Variants in ATP2C2 observed in about 807,000 individuals in gnomAD.
ATP2C2 encodes the protein calcium-transporting ATPase type 2C member 2.
In ATP2C2, 171 loss-of-function variants were observed where a neutral mutation model predicts 110.8. That is an observed-to-expected ratio of 1.54 (90% CI 1.36 to 1.75). ATP2C2 has a LOEUF of 1.75. ATP2C2 is among the 40% of genes most tolerant of loss of function. The pLI is 0.00. For missense variants in ATP2C2, 1,963 were observed against 1,235.0 expected, an observed-to-expected ratio of 1.59 and a Z score of -8.84; for synonymous variants, 804 against 508.4, an observed-to-expected ratio of 1.58 and a Z score of -7.82.
At chr16:84,397,655 C>CAAAAATAAAAAAAAAAA (rs1905070827) in intron 1 of ATP2C2, among the ~76,000 whole-genome samples, 1 of 63,512 alleles carries the variant, frequency 1.6e-5, no homozygotes, top group Non-Finnish European at 3.5e-5. Context: ...GCCTGGGTGA[C>CAAAAATAAAAAAAAAAA]AAAAAAAAAA....
Position 84,421,620 on chromosome 16 carries a change from C to T in ATP2C2, c.625-770C>T, listed in dbSNP as rs1340222763. 2.0e-5 allele frequency among the ~76,000 whole-genome samples: 3 copies of T among 152,232 alleles called. 1 individual carries two copies. Among genetic ancestry groups the T allele is most frequent in the Middle Eastern group, 6.8e-3 (2 of 294 alleles). On this transcript the variant is annotated intron_variant, in intron 7 of 26. Coordinates refer to ENST00000262429, the MANE Select transcript of ATP2C2 (RefSeq NM_014861.4). ...ACGGTTCTGGCCCTGGGAGCCTCAC[C>T]TCGGGAGTGAGATGTGTTAAGTCTG...
At chr16:84,398,332 G>A (rs1905114996) in intron 1 of ATP2C2, among the ~76,000 whole-genome samples, 167 bp from the exon 2 acceptor site, 1 of 152,108 alleles carries the variant, frequency 6.6e-6, no homozygotes, top group South Asian at 2.1e-4. Flanking sequence ...CTTGAACCCG[G>A]TAAGTGGAGG....
intron 6 of ATP2C2, among the ~76,000 whole-genome samples, chr16:84,412,895 A>G (rs1906503798): frequency 6.6e-6 from 1 of 151,988 alleles, no homozygotes; most frequent in African/African-American, 2.4e-5. Context: ...CAGGAGTTCA[A>G]GACCAGCCTG....
Position 84,410,714 on chromosome 16 carries a change from C to T in ATP2C2, c.464C>T (p.Ser155Leu), listed in dbSNP as rs774982906. The T allele has an allele frequency of 8.1e-6, 13 of 1,614,114 alleles. No individual in the cohort carries two copies. The Admixed American group carries it at 8.3e-5, about 10-fold the overall frequency. The part of the protein sequence containing the change: ...VTVAFIQEYR[S>L]EKSLEELTKL... The stretch of plus-strand genomic sequence containing the variant: ...TGTGCTTCCTGCCAGGAGTACAGGT[C>T]GGAGAAATCTCTGGAAGAGCTGACC... The change falls in exon 6 of 27, where the codon TCG (serine) becomes TTG (leucine). Residue 155 changes from serine to leucine, a missense_variant. Transcript: ENST00000262429.
intron 21 of ATP2C2, among the ~76,000 whole-genome samples, chr16:84,455,589 C>G (rs946400958): frequency 1.3e-5 from 2 of 151,886 alleles, no homozygotes; most frequent in South Asian, 4.2e-4. Context: ...AGTTCTGAGA[C>G]TCTCCTCATA....
At chr16:84,442,136 G>A (rs535537111) in intron 14 of ATP2C2, among the ~76,000 whole-genome samples, 16 of 152,092 alleles carry the variant, frequency 1.1e-4, no homozygotes, top group East Asian at 1.9e-4. Flanking sequence ...AATTCACCCC[G>A]TTAAAGTGCA....
Position 84,452,011 on chromosome 16 carries a change from A to G in ATP2C2, c.1751A>G (p.Glu584Gly), listed in dbSNP as rs1374422944. The change falls in exon 18 of 27, where the codon GAA becomes GGA. Residue 584 changes from glutamate to glycine, a missense_variant. Transcript: ENST00000262429. Reference sequence around the variant, plus strand: ...GACCCCCCGAGAGTTGGCGTGAAGGAAGCAGTCCAGGTTCTCTCCGAGTCT... The same window carrying G: ...GACCCCCCGAGAGTTGGCGTGAAGGGAGCAGTCCAGGTTCTCTCCGAGTCT... ...IIDPPRVGVK[E>G]AVQVLSESGV... 3 of 1,610,740 alleles carry G rather than the reference A, an allele frequency of 1.9e-6. No individual in the cohort carries two copies. The highest frequency in any genetic ancestry group is 2.5e-6 in the Non-Finnish European group (3 of 1,179,244).
chr16:84,402,295 A>G (rs968031321), intron 2 of ATP2C2, among the ~76,000 whole-genome samples: 3 of 152,186 alleles, frequency 2.0e-5, no homozygotes, highest in African/African-American at 4.8e-5. Flanking sequence ...TTCCTTTCCA[A>G]TTTGGATGCC....
At chr16:84,400,335 T>G (rs1248249896) in intron 2 of ATP2C2, among the ~76,000 whole-genome samples, 1 of 150,126 alleles carries the variant, frequency 6.7e-6, no homozygotes, top group Non-Finnish European at 1.5e-5. Flanking sequence ...TTTTGTTGTT[T>G]TTTTTTTTTG....
intron 1 of ATP2C2, among the ~76,000 whole-genome samples, chr16:84,391,809 C>T (rs775250936): frequency 7.2e-5 from 11 of 152,102 alleles, no homozygotes; most frequent in Admixed American, 2.0e-4. Context: ...GCCGTGGAGA[C>T]CAAGCAGCCA....
chr16:84,447,754 TATAC>T (rs1193722922), intron 16 of ATP2C2, among the ~76,000 whole-genome samples: 3 of 145,096 alleles, frequency 2.1e-5, no homozygotes, highest in Admixed American at 6.9e-5. Flanking sequence ...TAATATATAA[TATAC>T]ATATAAATAA....
At chr16:84,441,722 A>T (rs1909274428) in intron 14 of ATP2C2, among the ~76,000 whole-genome samples, 2 of 152,220 alleles carry the variant, frequency 1.3e-5, no homozygotes, top group Non-Finnish European at 2.9e-5. Flanking sequence ...GGAGTTCAAG[A>T]CCAGCCTGGC....
At chr16:84,389,867 T>A (rs1351293631) in intron 1 of ATP2C2, among the ~76,000 whole-genome samples, 1 of 152,050 alleles carries the variant, frequency 6.6e-6, no homozygotes, top group East Asian at 1.9e-4. Context: ...ACTACAGGCA[T>A]GTGCTATCAC....
intron 1 of ATP2C2, among the ~76,000 whole-genome samples, chr16:84,371,228 G>C (rs1242927479): frequency 6.6e-6 from 1 of 152,202 alleles, no homozygotes; most frequent in Non-Finnish European, 1.5e-5. Context: ...GGAAAGAAAG[G>C]TGTTTGAGCC....
intron 16 of ATP2C2, among the ~76,000 whole-genome samples, chr16:84,446,648 G>A (rs1909779707): frequency 6.6e-6 from 1 of 152,192 alleles, no homozygotes; most frequent in African/African-American, 2.4e-5. Context: ...CAGGGTCCCT[G>A]GAGTAGCAGC....
intron 2 of ATP2C2, among the ~76,000 whole-genome samples, chr16:84,404,090 G>C (rs1205669963): frequency 6.6e-6 from 1 of 152,206 alleles, no homozygotes; most frequent in Non-Finnish European, 1.5e-5. Flanking sequence ...CTATGAACAT[G>C]GTTGTTCAAA....
chr16:84,459,574 C>G, intron 23 of ATP2C2, 188 bp downstream of exon 23: 1 of 1,536,258 alleles, frequency 6.5e-7, no homozygotes, highest in Non-Finnish European at 8.7e-7. Flanking sequence ...GGAGAAAGTA[C>G]CTGGGCCGGC....
chr16:84,379,087 C>T (rs149490909), intron 1 of ATP2C2, among the ~76,000 whole-genome samples: 7 of 152,034 alleles, frequency 4.6e-5, no homozygotes, highest in Non-Finnish European at 2.9e-5. Context: ...CCAGGAATTA[C>T]GCCCAGCATC....
intron 1 of ATP2C2, among the ~76,000 whole-genome samples, chr16:84,398,000 G>A (rs1905096498): frequency 1.3e-5 from 2 of 151,902 alleles, no homozygotes; most frequent in South Asian, 4.1e-4. Flanking sequence ...GGCCAAGGGA[G>A]CATCAGGGGA....
Sources: gnomAD v4.1 joint callset for allele counts (sites outside exome capture counted in the v4.1 genomes callset) on GRCh38, gnomAD v4.1.1 for gene constraint, MANE v1.5 for transcripts, NCBI Gene and HGNC (gene_info 2026-07-23, HGNC 2026-07-21) for gene names.